The following MGST1 variants were observed in gnomAD, a reference collection of about 807,000 sequenced individuals.
The protein encoded by MGST1 is microsomal glutathione S-transferase 1.
MGST1 carries 5 observed loss-of-function variants against 8.9 expected under a neutral mutation model. The ratio of observed to expected loss-of-function variants is 0.56; its 90% CI spans 0.29 to 1.19. The LOEUF is 1.19. MGST1 is among the 50% of genes most tolerant of loss of function. The pLI is 0.08. For missense variants in MGST1, 182 were observed against 187.4 expected, an observed-to-expected ratio of 0.97 and a Z score of 0.17; for synonymous variants, 54 against 67.8, an observed-to-expected ratio of 0.80 and a Z score of 1.00.
At chr12:16,528,165 G>T (rs542140017) in intron 4 of MGST1, among the ~76,000 whole-genome samples, 1 of 151,870 alleles carries the variant, frequency 6.6e-6, no homozygotes, top group African/African-American at 2.4e-5. Flanking sequence ...GCTTGTTTTC[G>T]CCAGGCAAAA....
At chr12:16,549,108 A>AT (rs1941892734) in intron 4 of MGST1, 1 of 152,148 alleles carries the variant, frequency 6.6e-6, no homozygotes, top group Admixed American at 6.5e-5. Flanking sequence ...ATCCATGTGA[A>AT]TTTCAAGCAA....
At chr12:16,399,778 A>G in intron 1 of MGST1, 1 of 1,182,350 alleles carries the variant, frequency 8.5e-7, no homozygotes, top group Non-Finnish European at 1.3e-6. Context: ...GAATTCAACC[A>G]TTCCTTGATG....
intron 4 of MGST1, among the ~76,000 whole-genome samples, chr12:16,467,766 T>G (rs906548927): frequency 1.3e-5 from 2 of 152,260 alleles, no homozygotes; most frequent in African/African-American, 4.8e-5. Context: ...CTCTGGAACC[T>G]TCTGCTTTTA....
At position 16,497,697 on chromosome 12, in the gene MGST1, C is replaced by A. The variant is rs1941479269; in HGVS notation, n.483-91831C>A. ...AAATTTAGCCAATTTTCTCTGCTTCCTTACCTATAACCATTTTTCACCTGT... is the reference window on the plus strand; with the variant it reads ...AAATTTAGCCAATTTTCTCTGCTTCATTACCTATAACCATTTTTCACCTGT... On this transcript the variant is annotated intron_variant and non_coding_transcript_variant, in intron 4 of 4. Coordinates refer to the MGST1 transcript ENST00000538857. This position sits in a 1 kb window ranked among gnomAD's most constrained non-coding sequence, Gnocchi z 4.4. 6.6e-6 allele frequency among the ~76,000 whole-genome samples: 1 copy of A among 152,102 alleles called. No homozygotes were observed. The highest frequency in any genetic ancestry group is 2.4e-5 in the African/African-American group (1 of 41,430).
At chr12:16,462,843 G>T (rs946898053) in intron 4 of MGST1, among the ~76,000 whole-genome samples, 5 of 152,110 alleles carry the variant, frequency 3.3e-5, no homozygotes, top group African/African-American at 1.2e-4. Flanking sequence ...CTAGCTACAG[G>T]TTTGGCGTTG....
intron 4 of MGST1, among the ~76,000 whole-genome samples, chr12:16,575,079 CAT>C (rs1223993081): frequency 6.6e-6 from 1 of 152,092 alleles, no homozygotes; most frequent in East Asian, 1.9e-4. Flanking sequence ...CCTAGAAAAA[CAT>C]AACAGGGCAA....
chr12:16,556,887 T>TA (rs1361562187), intron 4 of MGST1, among the ~76,000 whole-genome samples: 2 of 152,188 alleles, frequency 1.3e-5, no homozygotes, highest in Non-Finnish European at 2.9e-5. Flanking sequence ...GCACTAAAGA[T>TA]ATGCAGTCCC....
chr12:16,488,672 T>A (rs1014846186), intron 4 of MGST1, among the ~76,000 whole-genome samples: 1 of 152,078 alleles, frequency 6.6e-6, no homozygotes, highest in East Asian at 1.9e-4. Context: ...CATATTATTT[T>A]AATGTACATA....
intron 1 of MGST1, among the ~76,000 whole-genome samples, chr12:16,387,031 C>A (rs1739495536): frequency 6.6e-6 from 1 of 152,130 alleles, no homozygotes; most frequent in African/African-American, 2.4e-5. Context: ...GTAATGCTGG[C>A]ATATTATAAT....
rs558734332 is a variant in MGST1, at chr12:16,384,626, C to T, written n.778+1022C>T. 1.4e-4 allele frequency among the ~76,000 whole-genome samples: 21 copies of T among 152,332 alleles called. No individual in the cohort carries two copies. The South Asian group carries it at 4.3e-3, about 32-fold the overall frequency. On this transcript the variant is annotated intron_variant and non_coding_transcript_variant, in intron 1 of 1. Coordinates refer to the MGST1 transcript ENST00000359720. ...GATAATAAATTTATGTTTTAAGCCGCTAAGTTTGTGGTAATTTGGTATGAA... is the reference window on the plus strand; with the variant it reads ...GATAATAAATTTATGTTTTAAGCCGTTAAGTTTGTGGTAATTTGGTATGAA...
At chr12:16,504,952 C>A (rs1941527819) in intron 4 of MGST1, among the ~76,000 whole-genome samples, 2 of 152,086 alleles carry the variant, frequency 1.3e-5, no homozygotes, top group African/African-American at 2.4e-5. Context: ...CTATAGGTTA[C>A]CAGTTGTTAA....
At chr12:16,526,368 C>T (rs1044300832) in intron 4 of MGST1, among the ~76,000 whole-genome samples, 1 of 151,916 alleles carries the variant, frequency 6.6e-6, no homozygotes, top group African/African-American at 2.4e-5. Context: ...GCTCTCCTGA[C>T]CCCATTGGAA....
At chr12:16,436,462 A>G (rs1331813964) in intron 1 of MGST1, among the ~76,000 whole-genome samples, 2 of 151,946 alleles carry the variant, frequency 1.3e-5, no homozygotes, top group Non-Finnish European at 2.9e-5. Flanking sequence ...AATACATTGC[A>G]TACGTCTTTC....
chr12:16,550,514 C>T (rs144147963), intron 4 of MGST1: 10 of 152,372 alleles, frequency 6.6e-5, no homozygotes, highest in Middle Eastern at 3.4e-3. Context: ...GCACTTTTCA[C>T]GTTGGTATAA....
chr12:16,461,067 A>C (rs1941215236), intron 4 of MGST1, among the ~76,000 whole-genome samples: 1 of 152,052 alleles, frequency 6.6e-6, no homozygotes, highest in African/African-American at 2.4e-5. Flanking sequence ...AGAAGTGATA[A>C]AGTAATAGAA....
At chr12:16,408,382 T>C (rs1940714297) in intron 1 of MGST1, among the ~76,000 whole-genome samples, 1 of 152,186 alleles carries the variant, frequency 6.6e-6, no homozygotes, top group African/African-American at 2.4e-5. Flanking sequence ...AATAAATTTT[T>C]TTTAAACTGT....
At chr12:16,433,051 C>T (rs920730114) in intron 1 of MGST1, among the ~76,000 whole-genome samples, 4 of 152,152 alleles carry the variant, frequency 2.6e-5, no homozygotes, top group African/African-American at 9.6e-5. Flanking sequence ...CACACGATCA[C>T]AAGGTGAGGT....
intron 1 of MGST1, among the ~76,000 whole-genome samples, chr12:16,414,624 CCA>C (rs1940770536): frequency 6.6e-6 from 1 of 151,640 alleles, no homozygotes; most frequent in Non-Finnish European, 1.5e-5. Flanking sequence ...ATCATGTTAG[CCA>C]GGATAGTCTC....
At chr12:16,501,828 A>G (rs778513663) in intron 4 of MGST1, among the ~76,000 whole-genome samples, 33 of 152,204 alleles carry the variant, frequency 2.2e-4, no homozygotes, top group South Asian at 4.1e-4. Flanking sequence ...GGTTGCCCAA[A>G]TACTCATATT....
Sources: gnomAD v4.1 joint callset for allele counts (sites outside exome capture counted in the v4.1 genomes callset) on GRCh38, gnomAD v4.1.1 for gene constraint, Gnocchi (gnomAD v3.1) non-coding constraint, MANE v1.5 for transcripts, NCBI Gene and HGNC (gene_info 2026-07-23, HGNC 2026-07-21) for gene names.